The following TTN variants were observed in gnomAD, a reference collection of about 807,000 sequenced individuals.
TTN encodes connectin.
In TTN, 1,525 loss-of-function variants were observed where a neutral mutation model predicts 3,223.0. The ratio of observed to expected loss-of-function variants is 0.47; its 90% CI spans 0.45 to 0.49. TTN has a LOEUF of 0.49. Ranked by LOEUF, TTN falls within the 20% of genes least tolerant of loss-of-function variation. The pLI, the probability that TTN is intolerant of heterozygous loss-of-function variation, is 0.00. For missense variants in TTN, 40,786 were observed against 43,424.0 expected, an observed-to-expected ratio of 0.94 and a Z score of 5.40; for synonymous variants, 14,094 against 15,161.0, an observed-to-expected ratio of 0.93 and a Z score of 5.17.
intron 53 of TTN, 26 bp downstream of exon 53, chr2:178,733,588 T>C: frequency 6.3e-7 from 1 of 1,597,668 alleles, no homozygotes; most frequent in Non-Finnish European, 8.5e-7. Flanking sequence ...AATAGCAATT[T>C]GAGGTTTAAA....
Position 178,557,743 on chromosome 2 carries a change from G to T in TTN, c.87611C>A (p.Thr29204Lys). 6.2e-7 allele frequency: 1 copy of T among 1,613,948 alleles called. No individual in the cohort carries two copies. The highest frequency in any genetic ancestry group is 8.5e-7 in the Non-Finnish European group (1 of 1,179,858). Residue 29204 changes from threonine (T) to lysine (K), a missense_variant, in exon 328 of 363, where the codon ACA becomes AAA. By Grantham distance (78) the Thr-to-Lys change is moderately conservative (BLOSUM62 -1). Transcript: ENST00000589042. ...GATGCGGAATTGGTATTCTTCTCCT[G>T]TGGTCAGTTTCATGACTTTCATCAT... ...RTMMKVMKLT[T>K]GEEYQFRIKA...
intron 208 of TTN, 94 bp from the exon 209 acceptor site, chr2:178,650,928 G>T (rs2062834407): frequency 1.5e-6 from 2 of 1,315,096 alleles, no homozygotes; most frequent in Non-Finnish European, 2.1e-6. Context: ...AATAACCCAG[G>T]GACAGATCCA....
In TTN at chr2:178,652,968, G is replaced by A. The variant is rs771779310; in HGVS notation, c.38876-37C>T. 3.1e-5 allele frequency: 50 copies of A among 1,601,996 alleles called. No individual in the cohort carries two copies. The African/African-American group carries it at 6.6e-4, about 21-fold the overall frequency. ...TTAGTGAAATTACATTTAGAAGTTT[G>A]AAGACCACTAGAAAAGTATTTTCAA... On this transcript the variant is annotated intron_variant, in intron 199 of 362. Coordinates refer to ENST00000589042, the MANE Select transcript of TTN (RefSeq NM_001267550.2).
rs201611946 is a variant in TTN at position 178,783,799 on chromosome 2, A to G, written c.2776-14T>C. On this transcript the variant is annotated splice_polypyrimidine_tract_variant and intron_variant, in intron 16 of 362. Transcript: ENST00000589042. ...TGTTTCTGTTACCTAGATTTTTACA[A>G]ATTATATTACAAAATGCTCATGAAA... 167 of 1,609,644 alleles carry G rather than the reference A, an allele frequency of 1.0e-4. 1 individual carries two copies. The highest frequency in any genetic ancestry group is 2.9e-5 in the Non-Finnish European group (34 of 1,176,518).
Position 178,770,042 on chromosome 2 carries a change from G to C in TTN, c.8641+18C>G, listed in dbSNP as rs1410354340. The C allele has an allele frequency of 5.0e-6, 8 of 1,614,102 alleles. No homozygotes were observed. Among genetic ancestry groups the C allele is most frequent in the Non-Finnish European group, 5.1e-6 (6 of 1,179,998 alleles). ...GGTTCATTAAGGAAAGGGCTGTAGGGGGCTGCCTGATACTTACTCTCCACA... is the reference window on the plus strand; with the variant it reads ...GGTTCATTAAGGAAAGGGCTGTAGGCGGCTGCCTGATACTTACTCTCCACA... On this transcript the variant is annotated intron_variant, in intron 36 of 362. Transcript: ENST00000589042.
At position 178,727,754 on chromosome 2, in the gene TTN, A is replaced by C; in HGVS notation, c.19824T>G (p.Phe6608Leu). The change falls in exon 68 of 363, where the codon TTT becomes TTG. Residue 6608 changes from phenylalanine to leucine, a missense_variant. Physicochemically the swap from Phe to Leu is conservative, Grantham distance 22 (BLOSUM62 0). Transcript: ENST00000589042. ...KGTPPFKIKW[F>L]KDDVELVSGP... ...CTGAGACAAGTTCCACATCATCCTT[A>C]AACCATTTTATTTTAAATGGTGGTG... 1 of 1,613,366 alleles carries C rather than the reference A, an allele frequency of 6.2e-7. No individual in the cohort carries two copies. Among genetic ancestry groups the C allele is most frequent in the East Asian group, 2.2e-5 (1 of 44,840 alleles).
In TTN at chr2:178,536,473, C is replaced by G; in HGVS notation, c.100274G>C (p.Arg33425Thr). ...PPASDGGAKI[R>T]NYYLEKREKK... ...CTCACGCTTCTCAAGGTAGTAATTT[C>G]TAATCTTTGCACCTCCATCACTGGC... is the stretch of plus-strand genomic sequence containing the variant. The change falls in exon 357 of 363, where the codon AGA (arginine) becomes ACA (threonine). Residue 33425 changes from arginine (R) to threonine (T), a missense_variant. Transcript: ENST00000589042. 1 of 1,593,390 alleles carries G rather than the reference C, an allele frequency of 6.3e-7. No homozygotes were observed. Among genetic ancestry groups the G allele is most frequent in the Non-Finnish European group, 8.6e-7 (1 of 1,169,124 alleles).
intron 47 of TTN, 32 bp downstream of exon 47, chr2:178,753,092 C>A: frequency 1.3e-6 from 2 of 1,580,084 alleles, no homozygotes; most frequent in Non-Finnish European, 1.7e-6. Context: ...TTTAGAATTT[C>A]TACTTAAATC....
chr2:178,611,995 AAC>A, intron 267 of TTN, 41 bp from the exon 268 acceptor site: 1 of 1,604,198 alleles, frequency 6.2e-7, no homozygotes, highest in Non-Finnish European at 8.5e-7. Context: ...TTAATGAAAA[AAC>A]ACAGTTAAGA....
intron 117 of TTN, 74 bp from the exon 118 acceptor site, chr2:178,694,082 T>A: frequency 8.7e-7 from 1 of 1,153,134 alleles, no homozygotes; most frequent in Non-Finnish European, 1.3e-6. Flanking sequence ...ATGGATTTTA[T>A]ACTCAAGTAT....
In TTN at chr2:178,620,587, C is replaced by G. The variant is rs748340315; in HGVS notation, c.45934G>C (p.Glu15312Gln). Residue 15312 changes from glutamate (E) to glutamine (Q), a missense_variant, in exon 248 of 363, where the codon GAA becomes CAA. Physicochemically the swap from Glu to Gln is conservative, Grantham distance 29 (BLOSUM62 2). Coordinates refer to ENST00000589042, the MANE Select transcript of TTN (RefSeq NM_001267550.2). ...LRIVEPLKDI[E>Q]TMEKKSVTFW... The stretch of plus-strand genomic sequence containing the variant: ...GTGACAGATTTCTTCTCCATTGTTT[C>G]AATATCTTTAAGAGGCTCAACAATC... 2 of 1,610,972 alleles carry G rather than the reference C, an allele frequency of 1.2e-6. No homozygotes were observed. Among genetic ancestry groups the G allele is most frequent in the South Asian group, 2.2e-5 (2 of 90,798 alleles).
At position 178,618,368 on chromosome 2, in the gene TTN, C is replaced by T. The variant is rs757663389; in HGVS notation, c.47090G>A (p.Arg15697His). The T allele has an allele frequency of 2.2e-5, 35 of 1,612,402 alleles. No individual in the cohort carries two copies. In the East Asian group the frequency reaches 3.6e-4, roughly 17 times the overall value. ...SKIIGYVVER[R>H]DIKRKTWVLA... ...AACCCAGGTCTTTCTCTTAATGTCA[C>T]GTCTTTCAACAACGTAACCTATGAT... is the stretch of plus-strand genomic sequence containing the variant. The change falls in exon 252 of 363, where the codon CGT becomes CAT. Residue 15697 changes from arginine (R) to histidine (H), a missense_variant. Transcript: ENST00000589042.
chr2:178,529,310 G>T, intron 359 of TTN, 91 bp from the exon 360 acceptor site: 1 of 1,052,828 alleles, frequency 9.5e-7, no homozygotes, highest in Non-Finnish European at 1.3e-6. Context: ...AACATAAAAA[G>T]AAAAAAAGTC....
intron 47 of TTN, chr2:178,750,329 G>C (rs1282920497): frequency 6.2e-7 from 1 of 1,613,162 alleles, no homozygotes; most frequent in Non-Finnish European, 8.5e-7. Flanking sequence ...TGTTTTTACT[G>C]TTCCATATTG....
intron 134 of TTN, 58 bp downstream of exon 134, chr2:178,683,153 G>T: frequency 8.1e-7 from 1 of 1,227,580 alleles, no homozygotes; most frequent in Non-Finnish European, 1.2e-6. Context: ...TTGGGAACTA[G>T]AAGGCAAAGA....
intron 332 of TTN, 55 bp downstream of exon 332, chr2:178,554,398 G>T: frequency 6.4e-7 from 1 of 1,560,340 alleles, no homozygotes. Flanking sequence ...ACAGGTTAGC[G>T]TAGTTTATTT....
At position 178,546,446 on chromosome 2, in the gene TTN, C is replaced by T. The variant is rs758521497; in HGVS notation, c.94885G>A (p.Ala31629Thr). ...RLHGDLVTIR[A>T]GSDLVLDAAV... ...GCATCCAGAACAAGATCAGAACCTG[C>T]TCTGATGGTAACCAGATCACCGTGT... Residue 31629 changes from alanine (A) to threonine (T), a missense_variant, in exon 342 of 363, where the codon GCA becomes ACA. Ala to Thr is a moderately conservative substitution (Grantham distance 58). Coordinates refer to ENST00000589042, the MANE Select transcript of TTN (RefSeq NM_001267550.2). 6.8e-6 allele frequency: 11 copies of T among 1,613,580 alleles called. No homozygotes were observed. In the Admixed American group the frequency reaches 1.0e-4, roughly 15 times the overall value.
Position 178,580,226 on chromosome 2 carries a change from G to A in TTN, c.67061C>T (p.Thr22354Ile). Reference sequence around the variant, plus strand: ...AGTCACATTGACAGGTGGCCCAGGAGTATCTGGATAAATAGTAGGTAAATA... The same window carrying A: ...AGTCACATTGACAGGTGGCCCAGGAATATCTGGATAAATAGTAGGTAAATA... Reference protein sequence around the residue: ...EYTIVVKVLDTPGPPVNVTVK... With the variant: ...EYTIVVKVLDIPGPPVNVTVK... The change falls in exon 318 of 363, where the codon ACT (threonine) becomes ATT (isoleucine). Residue 22354 changes from threonine (T) to isoleucine (I), a missense_variant. By Grantham distance (89) the Thr-to-Ile change is moderately conservative (BLOSUM62 -1). Coordinates refer to ENST00000589042, the MANE Select transcript of TTN (RefSeq NM_001267550.2). 1 of 1,612,048 alleles carries A rather than the reference G, an allele frequency of 6.2e-7. No homozygotes were observed. Among genetic ancestry groups the A allele is most frequent in the Non-Finnish European group, 8.5e-7 (1 of 1,179,206 alleles).
chr2:178,637,464 A>C (rs771458242), intron 223 of TTN, 45 bp from the exon 224 acceptor site: 1 of 1,289,952 alleles, frequency 7.8e-7, no homozygotes, highest in South Asian at 1.8e-5. Context: ...TTTCGGACTT[A>C]TTTCATGTTT....
Sources: allele counts gnomAD v4.1 joint callset, GRCh38; gene constraint gnomAD v4.1.1; transcripts MANE v1.5; gene names NCBI Gene and HGNC (gene_info 2026-07-23, HGNC 2026-07-21).